Variants in RNF38 observed in about 807,000 individuals in gnomAD.
The protein encoded by RNF38 is ring finger protein 38, also known as E3 ubiquitin-protein ligase RNF38.
A neutral mutation model predicts 67.2 loss-of-function variants in RNF38; 15 were observed. The observed-to-expected ratio is 0.22, with a 90% CI of 0.15 to 0.34. RNF38 has a LOEUF of 0.34. RNF38 is among the 10% of genes least tolerant of loss of function. RNF38 has a pLI of 1.00. For missense variants in RNF38, 524 were observed against 639.9 expected (o/e 0.82, Z 1.95); for synonymous variants, 220 against 218.8 (o/e 1.01, Z -0.05).
chr9:36,357,486 C>A (rs972468489), intron 5 of RNF38, among the ~76,000 whole-genome samples: 1 of 152,094 alleles, frequency 6.6e-6, no homozygotes. Flanking sequence ...CATGGTTTGA[C>A]CCTCAGGATA....
intron 1 of RNF38, among the ~76,000 whole-genome samples, chr9:36,450,279 T>G (rs1839406679): frequency 6.6e-6 from 1 of 152,052 alleles, no homozygotes; most frequent in Non-Finnish European, 1.5e-5. Flanking sequence ...TTTTATATAA[T>G]TATATTCTCA....
chr9:36,346,943 C>T (rs1833282078), intron 9 of RNF38, among the ~76,000 whole-genome samples: 1 of 152,100 alleles, frequency 6.6e-6, no homozygotes, highest in Non-Finnish European at 1.5e-5. Context: ...CACGGTGAAA[C>T]CCCGTCTCTA....
intron 1 of RNF38, among the ~76,000 whole-genome samples, chr9:36,459,874 C>A (rs1386606825): frequency 6.6e-6 from 1 of 151,726 alleles, no homozygotes; most frequent in East Asian, 1.9e-4. Context: ...GTCAAGAAAT[C>A]TGTGCATACA....
chr9:36,471,087 T>A (rs1839987309), intron 1 of RNF38, among the ~76,000 whole-genome samples: 1 of 152,196 alleles, frequency 6.6e-6, no homozygotes, highest in Admixed American at 6.5e-5. Flanking sequence ...CACAACGATG[T>A]GCTTTTTTAA....
intron 2 of RNF38, among the ~76,000 whole-genome samples, chr9:36,388,182 A>G (rs1274890581): frequency 6.6e-6 from 1 of 152,166 alleles, no homozygotes; most frequent in Non-Finnish European, 1.5e-5. Context: ...AGTATGGGAT[A>G]TAACATGGAG....
At chr9:36,347,826 C>T (rs887367167) in intron 9 of RNF38, among the ~76,000 whole-genome samples, 1 of 152,058 alleles carries the variant, frequency 6.6e-6, no homozygotes, top group Non-Finnish European at 1.5e-5. Context: ...GCCTGTAATC[C>T]CAGCACTTTG....
chr9:36,378,734 G>C (rs1357123236), intron 2 of RNF38, among the ~76,000 whole-genome samples: 1 of 152,094 alleles, frequency 6.6e-6, no homozygotes, highest in East Asian at 1.9e-4. Context: ...GGCTAAAAAT[G>C]TTCTTACTTT....
At chr9:36,401,173 C>A, upstream of RNF38, 1 of 984,914 alleles carries the variant, frequency 1.0e-6, no homozygotes, top group Non-Finnish European at 1.2e-6. Context: ...CGCCGAACCC[C>A]CTTTGTTTCC....
chr9:36,460,885 CAAAAAAAAA>C (rs752827635), intron 1 of RNF38, among the ~76,000 whole-genome samples: 14 of 52,960 alleles, frequency 2.6e-4, no homozygotes, highest in African/African-American at 9.2e-4. Context: ...GAAACTCTCT[CAAAAAAAAA>C]AAAAAAAAAA....
intron 1 of RNF38, among the ~76,000 whole-genome samples, chr9:36,392,226 T>C (rs1837167973): frequency 6.6e-6 from 1 of 152,216 alleles, no homozygotes; most frequent in Non-Finnish European, 1.5e-5. Context: ...CTGTGCCCAC[T>C]GGTAAGAGTA....
chr9:36,444,834 C>G (rs979264463), intron 1 of RNF38, among the ~76,000 whole-genome samples: 2 of 151,796 alleles, frequency 1.3e-5, no homozygotes, highest in African/African-American at 4.8e-5. Context: ...GGGAATACCA[C>G]ACCCCTCAAA....
At chr9:36,356,201 G>T in intron 6 of RNF38, 102 bp downstream of exon 6, 1 of 1,139,576 alleles carries the variant, frequency 8.8e-7, no homozygotes. Flanking sequence ...CATTCGTCTG[G>T]TTCTTAAATC....
chr9:36,339,919 T>A, intron 11 of RNF38, 105 bp from the exon 12 acceptor site: 1 of 1,020,356 alleles, frequency 9.8e-7, no homozygotes, highest in South Asian at 1.4e-5. Flanking sequence ...CATTCTTTCT[T>A]CCTCTGAAGA....
At chr9:36,383,453 G>A (rs1328533568) in intron 2 of RNF38, among the ~76,000 whole-genome samples, 1 of 152,172 alleles carries the variant, frequency 6.6e-6, no homozygotes, top group Admixed American at 6.5e-5. Context: ...GCCTCCCAAA[G>A]TGCTGGGATT....
rs188303732 is a variant in RNF38 at position 36,371,690 on chromosome 9, G to C, written c.357-1758C>G. Among the ~76,000 whole-genome samples the C allele has an allele frequency of 7.2e-5, 11 of 152,070 alleles. No homozygotes were observed. In the East Asian group the frequency reaches 2.1e-3, roughly 29 times the overall value. On this transcript the variant is annotated intron_variant, in intron 3 of 11. Transcript: ENST00000259605. ...TGGTCTCGAACTCCTGACCTCAGGT[G>C]ATCTGCCTGCCTCAGCCTCCCAGAG... is the stretch of plus-strand genomic sequence containing the variant.
intron 1 of RNF38, among the ~76,000 whole-genome samples, chr9:36,450,862 C>T (rs1282142192): frequency 2.6e-5 from 4 of 151,916 alleles, no homozygotes; most frequent in East Asian, 1.9e-4. Flanking sequence ...TGCGGTAAGC[C>T]GAGATCGTGC....
At chr9:36,486,919 C>T (rs1840427026) in intron 1 of RNF38, among the ~76,000 whole-genome samples, 1 of 152,146 alleles carries the variant, frequency 6.6e-6, no homozygotes, top group African/African-American at 2.4e-5. Flanking sequence ...GGGGATCGAC[C>T]TCTTCCCAGC....
chr9:36,389,769 C>T (rs1331618741), intron 2 of RNF38, among the ~76,000 whole-genome samples: 1 of 152,192 alleles, frequency 6.6e-6, no homozygotes, highest in Non-Finnish European at 1.5e-5. Context: ...TTCACTACCT[C>T]AGGTTTATAC....
chr9:36,427,358 G>A (rs1838799089), intron 1 of RNF38, among the ~76,000 whole-genome samples: 2 of 152,286 alleles, frequency 1.3e-5, no homozygotes, highest in Non-Finnish European at 2.9e-5. Context: ...AGACCCCAAT[G>A]AGATTTAATG....
Sources: allele counts gnomAD v4.1 joint callset (sites outside exome capture counted in the v4.1 genomes callset), GRCh38; gene constraint gnomAD v4.1.1; transcripts MANE v1.5; gene names NCBI Gene and HGNC (gene_info 2026-07-23, HGNC 2026-07-21).